Variants in ITGA11 observed in about 807,000 individuals in gnomAD.
The protein encoded by ITGA11 is integrin alpha-11.
A neutral mutation model predicts 141.9 loss-of-function variants in ITGA11; 97 were observed. The observed-to-expected ratio is 0.68, with a 90% confidence interval of 0.58 to 0.81. ITGA11 has a LOEUF of 0.81. ITGA11 is among the 30% of genes least tolerant of loss of function. The pLI is 0.00. For synonymous variants in ITGA11, 658 were observed against 624.6 expected (o/e 1.05, Z -0.80); for missense variants, 1,387 against 1,559.2 (o/e 0.89, Z 1.86).
intron 1 of ITGA11, 70 bp from the exon 2 acceptor site, chr15:68,403,099 T>C (rs1359101033): frequency 1.9e-6 from 2 of 1,031,112 alleles, no homozygotes; most frequent in African/African-American, 3.1e-5. Flanking sequence ...CTGGGCTGTG[T>C]CAGGACCCAT....
chr15:68,335,660 T>A lies in ITGA11; in HGVS notation c.1425+37A>T. 6.2e-7 allele frequency: 1 copy of A among 1,608,326 alleles called. No individual in the cohort carries two copies. Among genetic ancestry groups the A allele is most frequent in the Non-Finnish European group, 8.5e-7 (1 of 1,176,958 alleles). ...TCCCATTTGTCTGATCTGCCCCCTC[T>A]TCCCTCCATCCCGGCCCCAGGCTCC... On this transcript the variant is annotated intron_variant, in intron 12 of 29. Transcript: ENST00000315757. The surrounding 1 kb of genome is among the most constrained non-coding windows in gnomAD (Gnocchi z 4.9).
intron 2 of ITGA11, among the ~76,000 whole-genome samples, chr15:68,381,810 C>T (rs768888343): frequency 2.0e-5 from 3 of 152,224 alleles, no homozygotes; most frequent in Non-Finnish European, 2.9e-5. Flanking sequence ...CCCACCTTGG[C>T]CTCCCAAAGT....
intron 2 of ITGA11, among the ~76,000 whole-genome samples, chr15:68,387,847 A>G (rs1896023579): frequency 1.3e-5 from 2 of 151,522 alleles, no homozygotes; most frequent in Admixed American, 1.3e-4. Flanking sequence ...CGGACACAGC[A>G]CCTCCTCTGA....
chr15:68,374,582 G>C (rs2140367810), intron 2 of ITGA11, among the ~76,000 whole-genome samples: 1 of 152,348 alleles, frequency 6.6e-6, no homozygotes, highest in African/African-American at 2.4e-5. Context: ...TGGGGCTCTA[G>C]GCCCAGTCAG....
At chr15:68,391,463 G>A (rs1453664767) in intron 2 of ITGA11, among the ~76,000 whole-genome samples, 1 of 152,214 alleles carries the variant, frequency 6.6e-6, no homozygotes, top group East Asian at 1.9e-4. Flanking sequence ...CCCAGGCACA[G>A]TGATTTCTCC....
At chr15:68,425,292 T>G (rs1377549074) in intron 1 of ITGA11, among the ~76,000 whole-genome samples, 1 of 152,240 alleles carries the variant, frequency 6.6e-6, no homozygotes, top group Non-Finnish European at 1.5e-5. Flanking sequence ...GTGAATGCCC[T>G]GCTGTGGCCA....
chr15:68,375,184 T>C (rs957704998), intron 2 of ITGA11, among the ~76,000 whole-genome samples: 2 of 152,204 alleles, frequency 1.3e-5, no homozygotes, highest in Non-Finnish European at 2.9e-5. Context: ...TCCTCACCTG[T>C]TCCTTTCTCT....
At chr15:68,351,904 G>A (rs184383188) in intron 7 of ITGA11, among the ~76,000 whole-genome samples, 4 of 152,108 alleles carry the variant, frequency 2.6e-5, no homozygotes, top group African/African-American at 4.8e-5. Context: ...CTAACATGTC[G>A]AAACCCTGCC....
rs1413845784 is a variant in ITGA11, at chr15:68,379,649, G to C, written c.165-10365C>G. On this transcript the variant is annotated intron_variant, in intron 2 of 29. Coordinates refer to ENST00000315757, the MANE Select transcript of ITGA11 (RefSeq NM_001004439.2). Reference sequence around the variant, plus strand: ...TTGGCCCAGCTCTCTCAGGAAGGTGGCTGTGGTCTGTTCTCCCCGCAGAGA... The same window carrying C: ...TTGGCCCAGCTCTCTCAGGAAGGTGCCTGTGGTCTGTTCTCCCCGCAGAGA... 2.0e-5 allele frequency among the ~76,000 whole-genome samples: 3 copies of C among 152,192 alleles called. No individual in the cohort carries two copies. In the East Asian group the frequency reaches 5.8e-4, roughly 29 times the overall value.
Position 68,300,623 on chromosome 15 carries a change from TAAC to T in ITGA11, c.*2433_*2435del, listed in dbSNP as rs942327606. On this transcript the variant is annotated 3_prime_UTR_variant, in exon 30 of 30. Transcript: ENST00000315757. ...AATAGATTCAGAAAGGGAAACTTGA[TAAC>T]AAATTGAGAGGCTAAGGGCCTTGAT... The T allele has an allele frequency of 1.3e-5, 2 of 152,248 alleles. No individual in the cohort carries two copies. Among genetic ancestry groups the T allele is most frequent in the African/African-American group, 4.8e-5 (2 of 41,464 alleles). 9.4% of individuals were successfully genotyped at this position (152,248 alleles called of 1,614,324 possible). A position where few individuals can be genotyped will look rare whatever the true frequency, so the allele number is the denominator to read the frequency against.
At position 68,432,093 on chromosome 15, in the gene ITGA11, G is replaced by A. The variant is rs919614991; in HGVS notation, c.-27C>T. 5.1e-6 allele frequency: 7 copies of A among 1,361,452 alleles called. No individual in the cohort carries two copies. The highest frequency in any genetic ancestry group is 1.5e-5 in the African/African-American group (1 of 65,206). 84.3% of individuals were successfully genotyped at this position (1,361,452 alleles called of 1,614,324 possible). A position where few individuals can be genotyped will look rare whatever the true frequency, so the allele number is the denominator to read the frequency against. On this transcript the variant is annotated 5_prime_UTR_variant, in exon 1 of 30. Transcript: ENST00000315757. ...GCCCGCGGCACGGCGGCTGGGTCCG[G>A]TGTGCAGCGGCGGCGGGGGGCGGCA...
chr15:68,423,252 T>A (rs935262287), intron 1 of ITGA11, among the ~76,000 whole-genome samples: 2 of 152,064 alleles, frequency 1.3e-5, no homozygotes, highest in African/African-American at 4.8e-5. Context: ...GAATGCTGTA[T>A]GGCGGGGGAA....
In ITGA11 at chr15:68,427,012, CAAAAAAAAAAAA is replaced by C. The variant is rs148867034; in HGVS notation, c.52+4991_52+5002del. Among the ~76,000 whole-genome samples the C allele has an allele frequency of 6.3e-5, 3 of 47,782 alleles. No individual in the cohort carries two copies. In the Admixed American group the frequency reaches 9.5e-4, roughly 15 times the overall value. The allele number at this position is 47,782 out of a possible 152,430, so 31.3% of individuals were successfully genotyped here. A position where few individuals can be genotyped will look rare whatever the true frequency, so the allele number is the denominator to read the frequency against. ...CCTGGGCGACAGAGCAAGACTGTCT[CAAAAAAAAAAAA>C]AAAAAAAAAAAAAAAAAGGCAGTGG... On this transcript the variant is annotated intron_variant, in intron 1 of 29. Coordinates refer to ENST00000315757, the MANE Select transcript of ITGA11 (RefSeq NM_001004439.2).
rs188419306 is a variant in ITGA11, at chr15:68,358,122, T to C, written c.600+336A>G. On this transcript the variant is annotated intron_variant, in intron 6 of 29. Coordinates refer to ENST00000315757, the MANE Select transcript of ITGA11 (RefSeq NM_001004439.2). ...TACCATCTTCCCTCCATGACCTGTATGTCTAATTCTCCCCTGTGCCCCACT... is the reference window on the plus strand; with the variant it reads ...TACCATCTTCCCTCCATGACCTGTACGTCTAATTCTCCCCTGTGCCCCACT... 1.4e-3 allele frequency among the ~76,000 whole-genome samples: 214 copies of C among 152,316 alleles called. 1 individual carries two copies. The highest frequency in any genetic ancestry group is 3.4e-3 in the Middle Eastern group (1 of 294).
In ITGA11 at chr15:68,351,246, GC is replaced by G; in HGVS notation, c.894+11del. 1 of 1,613,498 alleles carries G rather than the reference GC, an allele frequency of 6.2e-7. No individual in the cohort carries two copies. Among genetic ancestry groups the G allele is most frequent in the Non-Finnish European group, 8.5e-7 (1 of 1,179,672 alleles). On this transcript the variant is annotated intron_variant, in intron 8 of 29. Transcript: ENST00000315757. Reference sequence around the variant, plus strand: ...GAGGCCATCAGCAGCCCTTGGGCGGGCCAGGACTTACGGCCACCGCATATCT... The same window carrying G: ...GAGGCCATCAGCAGCCCTTGGGCGGGCAGGACTTACGGCCACCGCATATCT...
chr15:68,403,539 G>A (rs1030560935), intron 1 of ITGA11, among the ~76,000 whole-genome samples: 7 of 152,144 alleles, frequency 4.6e-5, no homozygotes, highest in Non-Finnish European at 8.8e-5. Context: ...GCTCCCTGAG[G>A]CCCTCATTAG....
At chr15:68,348,800 G>A (rs1894816516) in intron 10 of ITGA11, 30 bp downstream of exon 10, 1 of 1,578,970 alleles carries the variant, frequency 6.3e-7, no homozygotes, top group African/African-American at 1.3e-5. Flanking sequence ...GACAGAGGCT[G>A]GGCTCTGTGC....
chr15:68,332,212 C>T, intron 13 of ITGA11, 126 bp downstream of exon 13: 2 of 1,289,412 alleles, frequency 1.6e-6, no homozygotes, highest in South Asian at 2.8e-5. Flanking sequence ...ACAGAGGAGG[C>T]TCTGATTCTC....
rs527761443 is a variant in ITGA11 at position 68,358,044 on chromosome 15, G to A, written c.600+414C>T. ...AATAAAAGGGAATGAATCTACCTCC[G>A]CGTTAGCCAGGCAGCGTTTCAGATA... On this transcript the variant is annotated intron_variant, in intron 6 of 29. Transcript: ENST00000315757. 3.4e-4 allele frequency among the ~76,000 whole-genome samples: 52 copies of A among 152,232 alleles called. No individual in the cohort carries two copies. In the South Asian group the frequency reaches 8.1e-3, roughly 24 times the overall value.
Sources: allele counts gnomAD v4.1 joint callset (sites outside exome capture counted in the v4.1 genomes callset), GRCh38; gene constraint gnomAD v4.1.1; non-coding constraint Gnocchi (gnomAD v3.1); transcripts MANE v1.5; gene names NCBI Gene and HGNC (gene_info 2026-07-23, HGNC 2026-07-21).